The following SPIDR variants were observed in gnomAD, a reference collection of about 807,000 sequenced individuals.
SPIDR encodes the protein scaffold protein involved in DNA repair.
A neutral mutation model predicts 104.6 loss-of-function variants in SPIDR; 93 were observed. The ratio of observed to expected loss-of-function variants is 0.89; its 90% CI spans 0.75 to 1.06. SPIDR has a LOEUF of 1.06. Ranked by LOEUF, SPIDR falls within the 50% of genes least tolerant of loss-of-function variation. SPIDR has a pLI of 0.00. For missense variants in SPIDR, 1,154 were observed against 1,111.2 expected, an observed-to-expected ratio of 1.04 and a Z score of -0.55; for synonymous variants, 431 against 416.9, an observed-to-expected ratio of 1.03 and a Z score of -0.41.
intron 1 of SPIDR, among the ~76,000 whole-genome samples, 198 bp downstream of exon 1, chr8:47,261,189 G>C (rs1340118773): frequency 1.3e-5 from 2 of 152,208 alleles, no homozygotes; most frequent in Non-Finnish European, 2.9e-5. Context: ...TCCGGCTCCG[G>C]TCCAGGCGTG....
At chr8:47,636,156 C>A (rs1347932548) in intron 10 of SPIDR, among the ~76,000 whole-genome samples, 1 of 152,142 alleles carries the variant, frequency 6.6e-6, no homozygotes. Context: ...TATTTCAAAT[C>A]CCTTCATTAT....
At chr8:47,486,396 C>T (rs932611640) in intron 8 of SPIDR, among the ~76,000 whole-genome samples, 15 of 152,140 alleles carry the variant, frequency 9.9e-5, no homozygotes, top group East Asian at 3.9e-4. Context: ...CTGAAAGTGA[C>T]GGGGAGAATG....
At chr8:47,319,271 CA>C (rs1429588633) in intron 5 of SPIDR, among the ~76,000 whole-genome samples, 1 of 151,566 alleles carries the variant, frequency 6.6e-6, no homozygotes, top group Non-Finnish European at 1.5e-5. Context: ...AAATGGAAAA[CA>C]AAAAAAGGCA....
intron 1 of SPIDR, among the ~76,000 whole-genome samples, chr8:47,279,038 C>T (rs2154219988): frequency 6.6e-6 from 1 of 151,502 alleles, no homozygotes; most frequent in Admixed American, 6.6e-5. Flanking sequence ...AGTCGTGTGC[C>T]ACCATGCCCA....
At chr8:47,630,277 A>T (rs1199627552) in intron 10 of SPIDR, among the ~76,000 whole-genome samples, 1 of 152,226 alleles carries the variant, frequency 6.6e-6, no homozygotes, top group Non-Finnish European at 1.5e-5. Flanking sequence ...AAGGAAAAAC[A>T]TGTAAAATAT....
intron 8 of SPIDR, among the ~76,000 whole-genome samples, chr8:47,539,171 T>C (rs1485836925): frequency 3.3e-5 from 5 of 152,104 alleles, no homozygotes; most frequent in Admixed American, 3.3e-4. Context: ...TATTGTGGGA[T>C]ATTTGAAAAA....
intron 8 of SPIDR, among the ~76,000 whole-genome samples, chr8:47,469,001 A>T (rs1017633925): frequency 6.6e-6 from 1 of 152,228 alleles, no homozygotes; most frequent in African/African-American, 2.4e-5. Context: ...ACAAGGAAAA[A>T]ACAAAAAGCC....
At chr8:47,476,277 G>A (rs2154359806) in intron 8 of SPIDR, among the ~76,000 whole-genome samples, 1 of 152,268 alleles carries the variant, frequency 6.6e-6, no homozygotes, top group South Asian at 2.1e-4. Flanking sequence ...TAAGAGCACT[G>A]GCATTGGAGT....
chr8:47,516,995 T>G (rs1325298341), intron 8 of SPIDR, among the ~76,000 whole-genome samples: 1 of 152,176 alleles, frequency 6.6e-6, no homozygotes, highest in Non-Finnish European at 1.5e-5. Flanking sequence ...TAATTGTGGT[T>G]TTGATTTGCA....
At chr8:47,278,853 G>A (rs1235845214) in intron 1 of SPIDR, among the ~76,000 whole-genome samples, 1 of 152,050 alleles carries the variant, frequency 6.6e-6, no homozygotes, top group Non-Finnish European at 1.5e-5. Context: ...TGTGTCTTCT[G>A]AAATGATAGA....
intron 10 of SPIDR, among the ~76,000 whole-genome samples, chr8:47,619,286 G>C (rs952681096): frequency 6.6e-6 from 1 of 152,144 alleles, no homozygotes; most frequent in African/African-American, 2.4e-5. Context: ...TAGATGTTTG[G>C]GGTCTTGGTT....
At chr8:47,520,619 C>G (rs1242868921) in intron 8 of SPIDR, among the ~76,000 whole-genome samples, 1 of 152,162 alleles carries the variant, frequency 6.6e-6, no homozygotes, top group African/African-American at 2.4e-5. Context: ...AAAAAAGAAG[C>G]TAACTGTATT....
chr8:47,342,721 C>T (rs782202599), intron 5 of SPIDR, among the ~76,000 whole-genome samples: 7 of 152,104 alleles, frequency 4.6e-5, no homozygotes, highest in Non-Finnish European at 7.4e-5. Flanking sequence ...TTCTTATCGA[C>T]GCTGGTGTTT....
intron 8 of SPIDR, among the ~76,000 whole-genome samples, chr8:47,513,795 T>C (rs1468601300): frequency 6.6e-6 from 1 of 152,198 alleles, no homozygotes; most frequent in African/African-American, 2.4e-5. Context: ...TGGCATGGGA[T>C]CTATGTTAAT....
chr8:47,635,000 TG>T (rs1297434786), intron 10 of SPIDR, among the ~76,000 whole-genome samples: 2 of 152,164 alleles, frequency 1.3e-5, no homozygotes, highest in African/African-American at 4.8e-5. Context: ...TTCTTGAAAA[TG>T]GAGTCCTAAA....
intron 8 of SPIDR, among the ~76,000 whole-genome samples, chr8:47,476,579 C>G (rs2076317122): frequency 6.6e-6 from 1 of 152,048 alleles, no homozygotes; most frequent in Non-Finnish European, 1.5e-5. Flanking sequence ...CCTTTCTCAC[C>G]TCACCACCTC....
chr8:47,631,187 C>T (rs541901994), intron 10 of SPIDR, among the ~76,000 whole-genome samples: 1 of 152,306 alleles, frequency 6.6e-6, no homozygotes, highest in South Asian at 2.1e-4. Context: ...CTGCCTCATG[C>T]AACCCATGGA....
At chr8:47,661,060 C>A in intron 10 of SPIDR, 4 of 647,884 alleles carry the variant, frequency 6.2e-6, no homozygotes, top group Non-Finnish European at 7.7e-6. Flanking sequence ...TGCTCCCCTG[C>A]ACCACCGTCT....
At chr8:47,262,414 A>G (rs1345403771) in intron 1 of SPIDR, among the ~76,000 whole-genome samples, 1 of 152,114 alleles carries the variant, frequency 6.6e-6, no homozygotes, top group Non-Finnish European at 1.5e-5. Flanking sequence ...AATGTTTATT[A>G]TATCATAGAG....
Sources: gnomAD v4.1 joint callset for allele counts (sites outside exome capture counted in the v4.1 genomes callset) on GRCh38, gnomAD v4.1.1 for gene constraint, MANE v1.5 for transcripts, NCBI Gene and HGNC (gene_info 2026-07-23, HGNC 2026-07-21) for gene names.